The following SLC25A13 variants were observed in gnomAD, a reference collection of about 807,000 sequenced individuals.
SLC25A13 encodes solute carrier family 25 member 13.
In SLC25A13, 70 loss-of-function variants were observed where a neutral mutation model predicts 85.5. That is an observed-to-expected ratio of 0.82 (90% confidence interval 0.68 to 1.00). The LOEUF (loss-of-function observed/expected upper bound fraction) is 1.00, where lower values mean the gene tolerates loss of function less well. Ranked by LOEUF, SLC25A13 falls within the 50% of genes least tolerant of loss-of-function variation. The pLI is 0.00. For synonymous variants in SLC25A13, 259 were observed against 288.7 expected (o/e 0.90, Z 1.04); for missense variants, 765 against 819.8 (o/e 0.93, Z 0.82).
chr7:96,204,394 G>C (rs1240652800), intron 5 of SLC25A13, among the ~76,000 whole-genome samples: 3 of 152,084 alleles, frequency 2.0e-5, no homozygotes, highest in Non-Finnish European at 4.4e-5. Context: ...GGCAAAGCAG[G>C]CTGGGCACGG....
intron 3 of SLC25A13, among the ~76,000 whole-genome samples, chr7:96,249,962 T>G (rs1047693846): frequency 6.7e-6 from 1 of 150,014 alleles, no homozygotes; most frequent in Non-Finnish European, 1.5e-5. Context: ...GGCGGGCGGA[T>G]CATCTGAGAT....
At chr7:96,138,182 A>C (rs899107539) in intron 14 of SLC25A13, among the ~76,000 whole-genome samples, 2 of 152,108 alleles carry the variant, frequency 1.3e-5, no homozygotes, top group Non-Finnish European at 2.9e-5. Flanking sequence ...CATACTGAAG[A>C]CACCCCATTC....
intron 2 of SLC25A13, among the ~76,000 whole-genome samples, chr7:96,283,164 A>G (rs1244283122): frequency 6.6e-6 from 1 of 152,250 alleles, no homozygotes; most frequent in Non-Finnish European, 1.5e-5. Flanking sequence ...AAATGTAGGT[A>G]CAATACTATC....
intron 5 of SLC25A13, among the ~76,000 whole-genome samples, chr7:96,200,690 C>G (rs1319715711): frequency 6.6e-6 from 1 of 152,108 alleles, no homozygotes; most frequent in Non-Finnish European, 1.5e-5. Flanking sequence ...TTGGCAGAAA[C>G]CAAATACAGA....
chr7:96,311,357 A>G (rs899076715), intron 1 of SLC25A13, among the ~76,000 whole-genome samples: 2 of 152,194 alleles, frequency 1.3e-5, no homozygotes, highest in African/African-American at 4.8e-5. Context: ...TCTAGGAAGT[A>G]TTCTAGCCAA....
rs1037239255 is a variant in SLC25A13 at position 96,120,986 on chromosome 7, G to T, written c.*205C>A. Reference sequence around the variant, plus strand: ...GCAAACAAAGGTTTCTGGGCAGAGGGCCAAATAATAATTATGAATAATTTC... The same window carrying T: ...GCAAACAAAGGTTTCTGGGCAGAGGTCCAAATAATAATTATGAATAATTTC... On this transcript the variant is annotated 3_prime_UTR_variant, in exon 18 of 18. Transcript: ENST00000265631. The T allele has an allele frequency of 7.0e-6, 5 of 711,150 alleles. No homozygotes were observed. The highest frequency in any genetic ancestry group is 2.0e-5 in the Admixed American group (1 of 49,222). 44.1% of individuals were successfully genotyped at this position (711,150 alleles called of 1,614,324 possible). A position where few individuals can be genotyped will look rare whatever the true frequency, so the allele number is the denominator to read the frequency against.
intron 3 of SLC25A13, among the ~76,000 whole-genome samples, chr7:96,245,043 A>T (rs4410834): frequency 0.021 from 3,222 of 152,118 alleles, 77 homozygotes; most frequent in African/African-American, 0.056. Context: ...TTGGCAGCCC[A>T]TCGCCTTGCA....
chr7:96,128,720 C>T (rs974970752), intron 15 of SLC25A13, among the ~76,000 whole-genome samples: 7 of 149,678 alleles, frequency 4.7e-5, no homozygotes, highest in African/African-American at 9.8e-5. Flanking sequence ...AACAAACCTG[C>T]GCATTCTGCA....
intron 3 of SLC25A13, among the ~76,000 whole-genome samples, chr7:96,269,752 C>T (rs1489256740): frequency 1.3e-5 from 2 of 152,216 alleles, no homozygotes; most frequent in Admixed American, 6.5e-5. Flanking sequence ...AAATGTGATA[C>T]ATGCACACAA....
At chr7:96,249,559 TG>T (rs1797332019) in intron 3 of SLC25A13, among the ~76,000 whole-genome samples, 1 of 152,212 alleles carries the variant, frequency 6.6e-6, no homozygotes, top group Admixed American at 6.5e-5. Flanking sequence ...AAAAATTTTC[TG>T]TCCCAATTGA....
At chr7:96,214,310 A>G (rs1795805640) in intron 4 of SLC25A13, among the ~76,000 whole-genome samples, 1 of 152,198 alleles carries the variant, frequency 6.6e-6, no homozygotes, top group Non-Finnish European at 1.5e-5. Flanking sequence ...AAGTCCTAAG[A>G]AATCACTAAA....
chr7:96,145,190 T>C (rs1792731024), intron 14 of SLC25A13, among the ~76,000 whole-genome samples: 1 of 152,150 alleles, frequency 6.6e-6, no homozygotes, highest in Admixed American at 6.6e-5. Context: ...CACATATGCC[T>C]AAATATAAGG....
chr7:96,218,840 C>T (rs1054575106), intron 4 of SLC25A13, among the ~76,000 whole-genome samples: 1 of 152,128 alleles, frequency 6.6e-6, no homozygotes, highest in Admixed American at 6.6e-5. Flanking sequence ...CAGTTTCATG[C>T]TTTTTCTAAT....
rs566627365 is a variant in SLC25A13 at position 96,121,017 on chromosome 7, G to A, written c.*174C>T. 1.3e-6 allele frequency: 1 copy of A among 772,046 alleles called. No individual in the cohort carries two copies. Among genetic ancestry groups the A allele is most frequent in the Non-Finnish European group, 2.2e-6 (1 of 450,760 alleles). 47.8% of individuals were successfully genotyped at this position (772,046 alleles called of 1,614,324 possible). A position where few individuals can be genotyped will look rare whatever the true frequency, so the allele number is the denominator to read the frequency against. ...TAATAATTATGAATAATTTCACAAT[G>A]ATCTGGTTAAGAAAACACCCAGAAA... On this transcript the variant is annotated 3_prime_UTR_variant, in exon 18 of 18. Transcript: ENST00000265631.
chr7:96,153,269 C>T (rs532079009), intron 13 of SLC25A13, among the ~76,000 whole-genome samples: 1 of 152,176 alleles, frequency 6.6e-6, no homozygotes, highest in African/African-American at 2.4e-5. Flanking sequence ...GGCACAAGAA[C>T]AACTAAAGTT....
chr7:96,207,273 A>G (rs1004039156), intron 5 of SLC25A13, among the ~76,000 whole-genome samples: 1 of 152,224 alleles, frequency 6.6e-6, no homozygotes. Flanking sequence ...TAATAATACC[A>G]TGAAAATTCA....
At chr7:96,252,056 C>G (rs1352060234) in intron 3 of SLC25A13, among the ~76,000 whole-genome samples, 1 of 152,068 alleles carries the variant, frequency 6.6e-6, no homozygotes, top group Non-Finnish European at 1.5e-5. Flanking sequence ...TGAAACAAGA[C>G]CAAAAACAGA....
chr7:96,317,223 T>C (rs1291977857), intron 1 of SLC25A13, among the ~76,000 whole-genome samples: 1 of 152,074 alleles, frequency 6.6e-6, no homozygotes, highest in Admixed American at 6.6e-5. Flanking sequence ...TGCCTCGGCC[T>C]CCCAAGGTGC....
intron 5 of SLC25A13, among the ~76,000 whole-genome samples, chr7:96,195,169 C>T (rs1795012714): frequency 1.3e-5 from 2 of 152,248 alleles, no homozygotes; most frequent in African/African-American, 2.4e-5. Context: ...GTGTAAAGGC[C>T]ATAAAATGAC....
Sources: gnomAD v4.1 joint callset for allele counts (sites outside exome capture counted in the v4.1 genomes callset) on GRCh38, gnomAD v4.1.1 for gene constraint, MANE v1.5 for transcripts, NCBI Gene and HGNC (gene_info 2026-07-23, HGNC 2026-07-21) for gene names.